The following FA2H variants were observed in gnomAD, a reference collection of about 807,000 sequenced individuals.
The protein encoded by FA2H is fatty acid 2-hydroxylase.
FA2H carries 22 observed loss-of-function variants against 44.9 expected under a neutral mutation model. The ratio of observed to expected loss-of-function variants is 0.49; its 90% confidence interval spans 0.35 to 0.70. FA2H has a LOEUF of 0.70. FA2H is among the 30% of genes least tolerant of loss of function. The probability of loss-of-function intolerance (pLI) is 0.01; values close to 1 mark genes in which losing one functional copy is unlikely to be tolerated. For missense variants in FA2H, 501 were observed against 504.9 expected (o/e 0.99, Z 0.07); for synonymous variants, 243 against 213.2 (o/e 1.14, Z -1.22).
chr16:74,731,156 ATTTT>A (rs547324621), intron 2 of FA2H, among the ~76,000 whole-genome samples: 1 of 136,112 alleles, frequency 7.3e-6, no homozygotes, highest in Non-Finnish European at 1.6e-5. Flanking sequence ...AATCTCTGCC[ATTTT>A]TTTTTTTTTT....
intron 4 of FA2H, among the ~76,000 whole-genome samples, chr16:74,721,042 G>A (rs1961824705): frequency 6.6e-6 from 1 of 152,224 alleles, no homozygotes; most frequent in Non-Finnish European, 1.5e-5. Context: ...AGAGGTTTCA[G>A]TGTGAAAAGA....
chr16:74,741,968 C>T (rs1021388736), intron 1 of FA2H, among the ~76,000 whole-genome samples: 2 of 151,286 alleles, frequency 1.3e-5, no homozygotes, highest in South Asian at 4.2e-4. Context: ...ATATAAATGT[C>T]CTCCCTCTTC....
chr16:74,714,109 C>A lies in FA2H; in HGVS notation c.*81G>T. 1.1e-6 allele frequency: 1 copy of A among 893,890 alleles called. No individual in the cohort carries two copies. Among genetic ancestry groups the A allele is most frequent in the African/African-American group, 1.7e-5 (1 of 60,486 alleles). 55.4% of individuals were successfully genotyped at this position (893,890 alleles called of 1,614,324 possible). A position where few individuals can be genotyped will look rare whatever the true frequency, so the allele number is the denominator to read the frequency against. On this transcript the variant is annotated 3_prime_UTR_variant, in exon 7 of 7. Coordinates refer to ENST00000219368, the MANE Select transcript of FA2H (RefSeq NM_024306.5). ...CATCCTGCCTGGCCAAGCCAACCTT[C>A]TTAATGGGGTCTGAATGGCGGGTGG...
rs534281400 is a variant in FA2H, at chr16:74,751,743, T to C, written c.271-11628A>G. On this transcript the variant is annotated intron_variant, in intron 1 of 6. Transcript: ENST00000219368. The stretch of plus-strand genomic sequence containing the variant: ...CCATTATCCCAGAGAGAAATGCCTA[T>C]GGTGCTGGGCTGGGACACAGCTCTA... 3.3e-5 allele frequency among the ~76,000 whole-genome samples: 5 copies of C among 152,236 alleles called. No individual in the cohort carries two copies. In the South Asian group the frequency reaches 6.2e-4, roughly 19 times the overall value.
intron 5 of FA2H, 22 bp from the exon 6 acceptor site, chr16:74,716,621 C>T (rs1035158000): frequency 2.6e-6 from 4 of 1,534,472 alleles, no homozygotes; most frequent in African/African-American, 1.4e-5. Context: ...GAGGCTTGGG[C>T]ATCAGGAGGC....
At chr16:74,743,951 C>T (rs957928091) in intron 1 of FA2H, among the ~76,000 whole-genome samples, 1 of 152,132 alleles carries the variant, frequency 6.6e-6, no homozygotes, top group Non-Finnish European at 1.5e-5. Context: ...GTGCATTGTT[C>T]ATTAATCGAT....
At chr16:74,755,986 A>G (rs1179041033) in intron 1 of FA2H, among the ~76,000 whole-genome samples, 2 of 152,226 alleles carry the variant, frequency 1.3e-5, no homozygotes, top group East Asian at 1.9e-4. Context: ...AGTCCCAGGA[A>G]TCTATTTTAA....
chr16:74,767,241 G>A lies in FA2H; in HGVS notation c.270+7245C>T, dbSNP rs749413053. 4.6e-5 allele frequency among the ~76,000 whole-genome samples: 7 copies of A among 152,126 alleles called. No homozygotes were observed. The South Asian group carries it at 6.2e-4, about 13-fold the overall frequency. The stretch of plus-strand genomic sequence containing the variant: ...GGAGAATTGCTTGAACCTGGGAGGC[G>A]GAGGTTGCAGTGAGCCGAGATTGTG... On this transcript the variant is annotated intron_variant, in intron 1 of 6. Coordinates refer to ENST00000219368, the MANE Select transcript of FA2H (RefSeq NM_024306.5).
In FA2H at chr16:74,719,055, A is replaced by G. The variant is rs1336187254; in HGVS notation, c.719T>C (p.Met240Thr). The change falls in exon 5 of 7, where the codon ATG becomes ACG. Residue 240 changes from methionine to threonine, a missense_variant. Coordinates refer to ENST00000219368, the MANE Select transcript of FA2H (RefSeq NM_024306.5). ...EYLIHRFLFH[M>T]KPPSDSYYLI... The stretch of plus-strand genomic sequence containing the variant: ...GTAATAGCTGTCGCTGGGGGGCTTC[A>G]TGTGGAACAGGAAGCGGTGGATGAG... 4.3e-6 allele frequency: 7 copies of G among 1,613,936 alleles called. No individual in the cohort carries two copies. The highest frequency in any genetic ancestry group is 1.7e-5 in the Admixed American group (1 of 60,016).
intron 1 of FA2H, among the ~76,000 whole-genome samples, chr16:74,756,920 AATT>A (rs1962622714): frequency 6.6e-6 from 1 of 152,206 alleles, no homozygotes; most frequent in African/African-American, 2.4e-5. Flanking sequence ...CTAAGCATAC[AATT>A]ATTAGTAGGA....
rs1961627747 is a variant in FA2H, at chr16:74,713,723, C to T, written c.*467G>A. Reference sequence around the variant, plus strand: ...TCCACCTCAGAGCCACCAAAGCCTCCCCAGAAGGGACAGCAGGGAGGACAG... The same window carrying T: ...TCCACCTCAGAGCCACCAAAGCCTCTCCAGAAGGGACAGCAGGGAGGACAG... On this transcript the variant is annotated 3_prime_UTR_variant, in exon 7 of 7. Coordinates refer to ENST00000219368, the MANE Select transcript of FA2H (RefSeq NM_024306.5). The T allele has an allele frequency of 1.2e-5, 2 of 167,836 alleles. No individual in the cohort carries two copies. Among genetic ancestry groups the T allele is most frequent in the Non-Finnish European group, 1.3e-5 (1 of 76,670 alleles). The allele number at this position is 167,836 out of a possible 1,614,324, so 10.4% of individuals were successfully genotyped here.
chr16:74,721,017 T>A (rs1290203262), intron 4 of FA2H, among the ~76,000 whole-genome samples: 1 of 152,252 alleles, frequency 6.6e-6, no homozygotes, highest in African/African-American at 2.4e-5. Flanking sequence ...ATAGTGCTGC[T>A]ATGCACATTC....
chr16:74,726,038 T>G, intron 4 of FA2H, 187 bp downstream of exon 4: 3 of 587,832 alleles, frequency 5.1e-6, no homozygotes, highest in East Asian at 3.0e-5. Context: ...TTTGTATCCA[T>G]TTGGGGGGTA....
rs1485211772 is a variant in FA2H, at chr16:74,774,595, G to A, written c.161C>T (p.Ala54Val). 2.6e-6 allele frequency: 4 copies of A among 1,526,730 alleles called. No homozygotes were observed. The highest frequency in any genetic ancestry group is 1.2e-5 in the South Asian group (1 of 81,906). The allele number at this position is 1,526,730 out of a possible 1,614,324, so 94.6% of individuals were successfully genotyped here. The change falls in exon 1 of 7, where the codon GCG becomes GTG. Residue 54 changes from alanine to valine, a missense_variant. By Grantham distance (64) the Ala-to-Val change is moderately conservative. Transcript: ENST00000219368. ...CAGGTCGGCGCTGATGTCCTGGCCCGCCCTGGCCCGCAGCAGCTGCTCGCC... is the reference window on the plus strand; with the variant it reads ...CAGGTCGGCGCTGATGTCCTGGCCCACCCTGGCCCGCAGCAGCTGCTCGCC... ...PGGEQLLRAR[A>V]GQDISADLDG...
chr16:74,738,454 G>A (rs1355412503), intron 2 of FA2H, among the ~76,000 whole-genome samples: 9 of 152,180 alleles, frequency 5.9e-5, no homozygotes, highest in Non-Finnish European at 1.0e-4. Flanking sequence ...GCTGACCACA[G>A]AGCTGGCAAT....
Position 74,716,385 on chromosome 16 carries a change from G to A in FA2H, c.1001C>T (p.Ala334Val). ...HKGSYLYSLK[A>V]HHVKHHFAHQ... ...TGCAAAGTGGTGCTTGACGTGGTGG[G>A]CCTTCAGGCTGTACAGGTAGGAGCC... is the stretch of plus-strand genomic sequence containing the variant. The change falls in exon 6 of 7, where the codon GCC becomes GTC. Residue 334 changes from alanine (A) to valine (V), a missense_variant. Transcript: ENST00000219368. 2.5e-6 allele frequency: 4 copies of A among 1,614,028 alleles called. No homozygotes were observed. The highest frequency in any genetic ancestry group is 3.4e-6 in the Non-Finnish European group (4 of 1,179,994).
At chr16:74,739,926 G>C (rs780549181) in intron 2 of FA2H, 97 bp downstream of exon 2, 12 of 927,258 alleles carry the variant, frequency 1.3e-5, no homozygotes, top group Admixed American at 1.7e-5. Context: ...CTGGGCACAC[G>C]TCATGCCCAC....
At chr16:74,759,190 A>G (rs1962664502) in intron 1 of FA2H, among the ~76,000 whole-genome samples, 1 of 152,212 alleles carries the variant, frequency 6.6e-6, no homozygotes, top group Admixed American at 6.5e-5. Flanking sequence ...TCTATAAGGG[A>G]ACTTCGATGT....
chr16:74,760,412 T>A (rs1016483836), intron 1 of FA2H, among the ~76,000 whole-genome samples: 1 of 152,202 alleles, frequency 6.6e-6, no homozygotes, highest in Non-Finnish European at 1.5e-5. Context: ...ACCAGGCATT[T>A]CCTAAGCGCC....
Sources: gnomAD v4.1 joint callset for allele counts (sites outside exome capture counted in the v4.1 genomes callset) on GRCh38, gnomAD v4.1.1 for gene constraint, MANE v1.5 for transcripts, NCBI Gene and HGNC (gene_info 2026-07-23, HGNC 2026-07-21) for gene names.